Variants in CENATAC observed in about 807,000 individuals in gnomAD.
The protein encoded by CENATAC is centrosomal AT-AC splicing factor.
In CENATAC, 53 loss-of-function variants were observed where a neutral mutation model predicts 53.7. That is an observed-to-expected ratio of 0.99 (90% CI 0.79 to 1.24). The LOEUF (loss-of-function observed/expected upper bound fraction) is 1.24, where lower values mean the gene tolerates loss of function less well. CENATAC is among the 50% of genes most tolerant of loss of function. CENATAC has a pLI of 0.00. For synonymous variants in CENATAC, 156 were observed against 144.6 expected (o/e 1.08, Z -0.57); for missense variants, 474 against 417.8 (o/e 1.13, Z -1.17).
intron 3 of CENATAC, among the ~76,000 whole-genome samples, chr11:119,002,042 G>A (rs1050754124): frequency 2.0e-5 from 3 of 151,776 alleles, no homozygotes; most frequent in African/African-American, 7.3e-5. Context: ...TGGTCAACAT[G>A]GTGAAACCCC....
intron 3 of CENATAC, chr11:119,005,737 T>A (rs1187584924): frequency 1.3e-5 from 2 of 152,010 alleles, no homozygotes; most frequent in African/African-American, 4.8e-5. Context: ...TCCAGGTTAG[T>A]CTACAGAAAG....
chr11:119,003,129 A>G (rs924441076), intron 3 of CENATAC: 1 of 382,062 alleles, frequency 2.6e-6, no homozygotes, highest in Admixed American at 2.7e-5. Context: ...CATCAGTGTC[A>G]TAGAGCTTCT....
intron 4 of CENATAC, among the ~76,000 whole-genome samples, 194 bp downstream of exon 4, chr11:119,011,024 G>A (rs1411191644): frequency 1.3e-5 from 2 of 152,216 alleles, no homozygotes; most frequent in Non-Finnish European, 2.9e-5. Context: ...AATAGTGTTT[G>A]TGCTCCTATG....
rs1461516194 is a variant in CENATAC at position 118,998,233 on chromosome 11, G to C, written c.36G>C (p.Gln12His). 6 of 1,586,258 alleles carry C rather than the reference G, an allele frequency of 3.8e-6. No homozygotes were observed. Among genetic ancestry groups the C allele is most frequent in the Non-Finnish European group, 5.1e-6 (6 of 1,166,692 alleles). ...CGCAGCGCTGCCCTCTGTGCCGCCAGACCTTCTTCTGTGGTCGCGGGCACG... is the reference window on the plus strand; with the variant it reads ...CGCAGCGCTGCCCTCTGTGCCGCCACACCTTCTTCTGTGGTCGCGGGCACG... ...APAQRCPLCR[Q>H]TFFCGRGHVY... Residue 12 changes from glutamine (Q) to histidine (H), a missense_variant, in exon 1 of 11, where the codon CAG (glutamine) becomes CAC (histidine). Physicochemically the swap from Gln to His is conservative, Grantham distance 24 (BLOSUM62 0). Coordinates refer to ENST00000334418, the MANE Select transcript of CENATAC (RefSeq NM_198489.3).
chr11:119,002,681 G>GT (rs10718631), intron 3 of CENATAC, among the ~76,000 whole-genome samples: 28 of 142,392 alleles, frequency 2.0e-4, no homozygotes, highest in Middle Eastern at 3.6e-3. Flanking sequence ...TAAGCTGTTG[G>GT]TTTTTTTTTT....
chr11:119,013,137 C>G, intron 7 of CENATAC, 95 bp from the exon 8 acceptor site: 8 of 938,696 alleles, frequency 8.5e-6, no homozygotes, highest in Middle Eastern at 2.2e-4. Context: ...ACACCCACCT[C>G]TTTTAAAGTG....
chr11:119,013,197 T>C (rs897932958), intron 7 of CENATAC, 35 bp from the exon 8 acceptor site: 4 of 1,569,390 alleles, frequency 2.5e-6, no homozygotes, highest in Non-Finnish European at 3.5e-6. Flanking sequence ...TGCCTAGACT[T>C]TAACTAGCAC....
At position 119,013,275 on chromosome 11, in the gene CENATAC, G is replaced by A; in HGVS notation, c.715+13G>A. On this transcript the variant is annotated intron_variant, in intron 8 of 10. Transcript: ENST00000334418. ...AACATCCACTCAGGTAAGGTCCAGG[G>A]CAGTGTTTTTAAAACCCTGGGAGAT... 6.3e-7 allele frequency: 1 copy of A among 1,596,392 alleles called. No individual in the cohort carries two copies. Among genetic ancestry groups the A allele is most frequent in the East Asian group, 2.2e-5 (1 of 44,488 alleles).
intron 3 of CENATAC, among the ~76,000 whole-genome samples, chr11:119,006,973 A>T (rs1942635537): frequency 6.6e-6 from 1 of 152,174 alleles, no homozygotes. Flanking sequence ...CCCCGGCCAC[A>T]TGGAACTGTG....
Position 118,998,516 on chromosome 11 carries a change from C to G in CENATAC, c.207C>G (p.Cys69Trp). ...EHERCCWCLC[C>W]GCEVREHLSH... Reference sequence around the variant, plus strand: ...AGCGATGCTGCTGGTGCCTGTGCTGCGGCTGTGAGGTGCGGGAACACCTGA... The same window carrying G: ...AGCGATGCTGCTGGTGCCTGTGCTGGGGCTGTGAGGTGCGGGAACACCTGA... The change falls in exon 2 of 11, where the codon TGC (cysteine) becomes TGG (tryptophan). Residue 69 changes from cysteine to tryptophan, a missense_variant. By Grantham distance (215) the Cys-to-Trp change is radical. Coordinates refer to ENST00000334418, the MANE Select transcript of CENATAC (RefSeq NM_198489.3). The G allele has an allele frequency of 6.2e-7, 1 of 1,610,320 alleles. No individual in the cohort carries two copies.
rs951384540 is a variant in CENATAC at position 119,015,273 on chromosome 11, A to G, written c.806-34A>G. 7.0e-6 allele frequency: 11 copies of G among 1,575,454 alleles called. No homozygotes were observed. In the Admixed American group the frequency reaches 2.1e-4, roughly 30 times the overall value. ...AGACCCCATCTCTATATTCTTCAAT[A>G]AAGAAAAATAAAAGTTTCCCTATCA... On this transcript the variant is annotated intron_variant, in intron 9 of 10. Transcript: ENST00000334418.
chr11:119,012,089 A>C (rs1468798422), intron 6 of CENATAC, 60 bp from the exon 7 acceptor site: 1 of 1,613,798 alleles, frequency 6.2e-7, no homozygotes, highest in African/African-American at 1.3e-5. Flanking sequence ...AAACAGATCT[A>C]ATCTTTACCA....
chr11:119,014,341 T>G (rs1943033557), intron 8 of CENATAC: 1 of 152,278 alleles, frequency 6.6e-6, no homozygotes, highest in Admixed American at 6.5e-5. Context: ...CCCGACACTT[T>G]GGGAGGCCAA....
chr11:119,000,921 T>C (rs1942263305), intron 3 of CENATAC, among the ~76,000 whole-genome samples: 1 of 152,074 alleles, frequency 6.6e-6, no homozygotes, highest in African/African-American at 2.4e-5. Flanking sequence ...ATTTTGTCAA[T>C]GTGCATGGAT....
chr11:119,000,068 T>A (rs1416410034), intron 3 of CENATAC, among the ~76,000 whole-genome samples: 2 of 152,246 alleles, frequency 1.3e-5, no homozygotes, highest in African/African-American at 4.8e-5. Flanking sequence ...TGAGCCACCA[T>A]GCCTGGTCTC....
Position 118,998,485 on chromosome 11 carries a change from A to C in CENATAC, c.176A>C (p.Glu59Ala). The stretch of plus-strand genomic sequence containing the variant: ...GCTCAGGTGGAGCGCTATGTGCCCG[A>C]ACACGAGCGATGCTGCTGGTGCCTG... The part of the protein sequence containing the change: ...RAAQVERYVP[E>A]HERCCWCLCC... The change falls in exon 2 of 11, where the codon GAA (glutamate) becomes GCA (alanine). Residue 59 changes from glutamate to alanine, a missense_variant. Glu to Ala is a moderately radical substitution (Grantham distance 107, BLOSUM62 -1). Transcript: ENST00000334418. 1 of 1,613,392 alleles carries C rather than the reference A, an allele frequency of 6.2e-7. No individual in the cohort carries two copies.
chr11:119,013,136 T>C, intron 7 of CENATAC, 96 bp from the exon 8 acceptor site: 1 of 897,836 alleles, frequency 1.1e-6, no homozygotes, highest in Non-Finnish European at 1.8e-6. Context: ...CACACCCACC[T>C]CTTTTAAAGT....
intron 3 of CENATAC, among the ~76,000 whole-genome samples, chr11:119,002,224 CAAAA>C (rs782664366): frequency 1.2e-4 from 6 of 49,538 alleles, no homozygotes; most frequent in African/African-American, 2.9e-4. Flanking sequence ...AACTCTGTCT[CAAAA>C]AAAAAAAAAA....
chr11:119,001,334 C>T (rs1942283384), intron 3 of CENATAC, among the ~76,000 whole-genome samples: 1 of 151,996 alleles, frequency 6.6e-6, no homozygotes, highest in South Asian at 2.1e-4. Context: ...TTTCATTTCT[C>T]TTGACCGCGA....
Sources: allele counts gnomAD v4.1 joint callset (sites outside exome capture counted in the v4.1 genomes callset), GRCh38; gene constraint gnomAD v4.1.1; transcripts MANE v1.5; gene names NCBI Gene and HGNC (gene_info 2026-07-23, HGNC 2026-07-21).